Variants in DDTL observed in about 807,000 individuals in gnomAD.
DDTL encodes D-dopachrome tautomerase like.
In DDTL, 1 loss-of-function variant was observed where a neutral mutation model predicts 1.1. The ratio of observed to expected loss-of-function variants is 0.91; its 90% confidence interval spans 0.32 to 4.31. DDTL has a LOEUF of 4.31. Ranked by LOEUF, DDTL falls within the 30% of genes most tolerant of loss-of-function variation. DDTL has a pLI of 0.17. For missense variants in DDTL, 54 were observed against 48.9 expected (o/e 1.10, Z -0.31); for synonymous variants, 21 against 16.6 (o/e 1.26, Z -0.64).
At position 23,970,455 on chromosome 22, in the gene DDTL, A is replaced by C. The variant is rs372602467; in HGVS notation, c.285-831A>C. Reference sequence around the variant, plus strand: ...AATTGTGTGCCTGTGTGTGACGGGGAGTATGTGTGTGTGTGAGTGAACTGT... The same window carrying C: ...AATTGTGTGCCTGTGTGTGACGGGGCGTATGTGTGTGTGTGAGTGAACTGT... On this transcript the variant is annotated intron_variant, in intron 2 of 2. Coordinates refer to ENST00000215770, the MANE Select transcript of DDTL (RefSeq NM_001084393.2). Among the ~76,000 whole-genome samples the C allele has an allele frequency of 5.3e-3, 801 of 151,488 alleles. 2 individuals carry two copies. The highest frequency in any genetic ancestry group is 0.01 in the Middle Eastern group (3 of 294).
At position 23,972,082 on chromosome 22, in the gene DDTL, G is replaced by A; in HGVS notation, c.*676G>A. 1.3e-6 allele frequency: 1 copy of A among 787,118 alleles called. No homozygotes were observed. Among genetic ancestry groups the A allele is most frequent in the Non-Finnish European group, 1.5e-6 (1 of 649,082 alleles). The allele number at this position is 787,118 out of a possible 1,614,324, so 48.8% of individuals were successfully genotyped here. On this transcript the variant is annotated 3_prime_UTR_variant, in exon 3 of 3. Coordinates refer to ENST00000215770, the MANE Select transcript of DDTL (RefSeq NM_001084393.2). ...TCAGAGGTAACAGCAAGTTTCCAGT[G>A]AGGAAAACCAGAACTTGGGACAGCC...
chr22:23,969,913 G>T (rs865951726), intron 2 of DDTL: 3 of 969,660 alleles, frequency 3.1e-6, no homozygotes, highest in African/African-American at 3.5e-5. Flanking sequence ...GTAGGTGGCA[G>T]TAAGTCTGGG....
rs2033920252 is a variant in DDTL, at chr22:23,972,215, G to A, written c.*809G>A. On this transcript the variant is annotated 3_prime_UTR_variant, in exon 3 of 3. Transcript: ENST00000215770. ...AGCATGTCTTGTCTGAGCAAAGGGA[G>A]AGTGGATAGGGATTGTAAGGATCAA... The A allele has an allele frequency of 2.2e-6, 2 of 912,434 alleles. No homozygotes were observed. Among genetic ancestry groups the A allele is most frequent in the Non-Finnish European group, 2.6e-6 (2 of 764,330 alleles). The allele number at this position is 912,434 out of a possible 1,614,324, so 56.5% of individuals were successfully genotyped here.
chr22:23,971,275 T>TC lies in DDTL; in HGVS notation c.285-6dup. The TC allele has an allele frequency of 6.2e-7, 1 of 1,607,648 alleles. No individual in the cohort carries two copies. The highest frequency in any genetic ancestry group is 8.5e-7 in the Non-Finnish European group (1 of 1,177,386). On this transcript the variant is annotated splice_polypyrimidine_tract_variant and intron_variant, in intron 2 of 2. Transcript: ENST00000215770. ...CCCCAGATCTGAGCAGTCTAAATCATCCCCCTCCAGGTTCCCTACGGTCTT... is the reference window on the plus strand; with the variant it reads ...CCCCAGATCTGAGCAGTCTAAATCATCCCCCCTCCAGGTTCCCTACGGTCTT...
rs935170738 is a variant in DDTL, at chr22:23,972,269, G to A, written c.*863G>A. ...GGATCATGAGTGTAAAGTACCTGTA[G>A]AGGACCTAGCACATGGTAAGTGTAT... On this transcript the variant is annotated 3_prime_UTR_variant, in exon 3 of 3. Transcript: ENST00000215770. 1.1e-6 allele frequency: 1 copy of A among 949,212 alleles called. No individual in the cohort carries two copies. 58.8% of individuals were successfully genotyped at this position (949,212 alleles called of 1,614,324 possible).
At position 23,969,955 on chromosome 22, in the gene DDTL, G is replaced by A. The variant is rs938670752; in HGVS notation, c.285-1331G>A. On this transcript the variant is annotated intron_variant, in intron 2 of 2. Transcript: ENST00000215770. ...ACCTCGGCTGAACTAACTGTGGTGT[G>A]CATCATTGTTAAGCAGGGCCAGCAG... The A allele has an allele frequency of 5.8e-6, 4 of 694,194 alleles. No homozygotes were observed. In the African/African-American group the frequency reaches 5.8e-5, roughly 10 times the overall value. 43.0% of individuals were successfully genotyped at this position (694,194 alleles called of 1,614,324 possible).
intron 2 of DDTL, among the ~76,000 whole-genome samples, chr22:23,970,026 A>G (rs2033870493): frequency 6.6e-6 from 1 of 152,164 alleles, no homozygotes; most frequent in Non-Finnish European, 1.5e-5. Flanking sequence ...AAGGGTCCCT[A>G]GAAGTGACCT....
chr22:23,969,473 T>A, intron 2 of DDTL: 1 of 986,290 alleles, frequency 1.0e-6, no homozygotes, highest in Non-Finnish European at 1.2e-6. Context: ...TGAGTGTCTG[T>A]CCTAGGTGGG....
At chr22:23,971,236 G>A (rs368592539) in intron 2 of DDTL, 50 bp from the exon 3 acceptor site, 8 of 1,560,576 alleles carry the variant, frequency 5.1e-6, no homozygotes, top group Middle Eastern at 2.3e-4. Flanking sequence ...GAGCCTCCAG[G>A]CTGAGTCTCC....
Position 23,971,699 on chromosome 22 carries a change from C to G in DDTL, c.*293C>G. 1 of 1,370,606 alleles carries G rather than the reference C, an allele frequency of 7.3e-7. No homozygotes were observed. Among genetic ancestry groups the G allele is most frequent in the South Asian group, 1.3e-5 (1 of 79,210 alleles). The allele number at this position is 1,370,606 out of a possible 1,614,324, so 84.9% of individuals were successfully genotyped here. ...TCTTGCAAGACCCCTGCCAGGTACT[C>G]CCACTGTGGGTACTCAGGACAGCCT... On this transcript the variant is annotated 3_prime_UTR_variant, in exon 3 of 3. Transcript: ENST00000215770.
intron 2 of DDTL, among the ~76,000 whole-genome samples, chr22:23,971,071 C>A (rs1294130394): frequency 6.6e-6 from 1 of 152,220 alleles, no homozygotes; most frequent in East Asian, 1.9e-4. Context: ...GCTGCCCAGC[C>A]AGTCATGGAG....
chr22:23,969,593 G>T (rs1321307175), intron 2 of DDTL: 1 of 985,574 alleles, frequency 1.0e-6, no homozygotes, highest in African/African-American at 1.7e-5. Context: ...GGCTGAGGTG[G>T]GAGGATCACT....
Position 23,971,862 on chromosome 22 carries a change from T to C in DDTL, c.*456T>C. 1.9e-6 allele frequency: 1 copy of C among 527,456 alleles called. No homozygotes were observed. Among genetic ancestry groups the C allele is most frequent in the Non-Finnish European group, 3.4e-6 (1 of 297,886 alleles). The allele number at this position is 527,456 out of a possible 1,614,324, so 32.7% of individuals were successfully genotyped here. A position where few individuals can be genotyped will look rare whatever the true frequency, so the allele number is the denominator to read the frequency against. ...CAGCTAGGACAGACACACAATACAG[T>C]AGCCTCGGTGTGTGTGCCGTACACT... On this transcript the variant is annotated 3_prime_UTR_variant, in exon 3 of 3. Transcript: ENST00000215770.
intron 2 of DDTL, among the ~76,000 whole-genome samples, chr22:23,970,715 G>A (rs973422622): frequency 3.9e-5 from 6 of 152,162 alleles, no homozygotes; most frequent in African/African-American, 1.4e-4. Flanking sequence ...GTATGTGCAT[G>A]GTGTGTCCAT....
chr22:23,970,686 T>G (rs985552007), intron 2 of DDTL, among the ~76,000 whole-genome samples: 3 of 152,138 alleles, frequency 2.0e-5, no homozygotes, highest in Non-Finnish European at 4.4e-5. Context: ...GAATCGTGAC[T>G]AGATGCGGGT....
At position 23,971,913 on chromosome 22, in the gene DDTL, T is replaced by C. The variant is rs1286529872; in HGVS notation, c.*507T>C. On this transcript the variant is annotated 3_prime_UTR_variant, in exon 3 of 3. Coordinates refer to ENST00000215770, the MANE Select transcript of DDTL (RefSeq NM_001084393.2). ...CTATCATCTCCATCAGTTTGTGTAC[T>C]GAGGGGTACCCTGCCTCCTAATTGC... is the stretch of plus-strand genomic sequence containing the variant. 1.5e-5 allele frequency: 5 copies of C among 336,370 alleles called. No homozygotes were observed. The highest frequency in any genetic ancestry group is 6.3e-5 in the African/African-American group (3 of 47,308). 20.8% of individuals were successfully genotyped at this position (336,370 alleles called of 1,614,324 possible).
At chr22:23,971,023 C>CA (rs1233345456) in intron 2 of DDTL, among the ~76,000 whole-genome samples, 1 of 151,874 alleles carries the variant, frequency 6.6e-6, no homozygotes, top group East Asian at 2.0e-4. Flanking sequence ...CCCCTGCCTC[C>CA]ACTCTACAGT....
In DDTL at chr22:23,971,882, T is replaced by C. The variant is rs553236979; in HGVS notation, c.*476T>C. On this transcript the variant is annotated 3_prime_UTR_variant, in exon 3 of 3. Coordinates refer to ENST00000215770, the MANE Select transcript of DDTL (RefSeq NM_001084393.2). ...TACAGTAGCCTCGGTGTGTGTGCCG[T>C]ACACTCTATCATCTCCATCAGTTTG... 2 of 465,772 alleles carry C rather than the reference T, an allele frequency of 4.3e-6. No homozygotes were observed. Among genetic ancestry groups the C allele is most frequent in the Admixed American group, 3.7e-5 (1 of 26,926 alleles). The allele number at this position is 465,772 out of a possible 1,614,324, so 28.9% of individuals were successfully genotyped here.
intron 2 of DDTL, chr22:23,969,601 A>C: frequency 1.0e-6 from 1 of 985,464 alleles, no homozygotes; most frequent in Non-Finnish European, 1.2e-6. Flanking sequence ...TGGGAGGATC[A>C]CTTAAGCCCA....
Sources: allele counts gnomAD v4.1 joint callset (sites outside exome capture counted in the v4.1 genomes callset), GRCh38; gene constraint gnomAD v4.1.1; transcripts MANE v1.5; gene names NCBI Gene and HGNC (gene_info 2026-07-23, HGNC 2026-07-21).